The following PDE4B variants were observed in gnomAD, a reference collection of about 807,000 sequenced individuals.
PDE4B encodes the protein phosphodiesterase 4B.
PDE4B carries 20 observed loss-of-function variants against 82.2 expected under a neutral mutation model. The observed-to-expected ratio is 0.24, with a 90% CI of 0.17 to 0.35. The LOEUF is 0.35. Ranked by LOEUF, PDE4B falls within the 10% of genes least tolerant of loss-of-function variation. PDE4B has a pLI of 1.00. For synonymous variants in PDE4B, 320 were observed against 318.9 expected (o/e 1.00, Z -0.04); for missense variants, 655 against 907.2 (o/e 0.72, Z 3.57).
chr1:66,165,343 T>C (rs1646707054), intron 3 of PDE4B, among the ~76,000 whole-genome samples: 1 of 152,194 alleles, frequency 6.6e-6, no homozygotes, highest in Non-Finnish European at 1.5e-5. Context: ...TCATTATTTT[T>C]TCTAAGACTA....
rs117022678 is a variant in PDE4B at position 65,806,630 on chromosome 1, G to T, written c.-71+13382G>T. Among the ~76,000 whole-genome samples the T allele has an allele frequency of 5.5e-4, 83 of 152,250 alleles. No homozygotes were observed. The East Asian group carries it at 8.3e-3, about 15-fold the overall frequency. ...ACTTTATGTACCATCAGTAGAGCTG[G>T]TCCTGAAAAGATGCTTAGCAATTAT... On this transcript the variant is annotated intron_variant, in intron 1 of 16. Coordinates refer to ENST00000341517, the MANE Select transcript of PDE4B (RefSeq NM_002600.4).
intron 1 of PDE4B, among the ~76,000 whole-genome samples, chr1:65,899,978 A>G (rs896805229): frequency 6.6e-5 from 10 of 152,060 alleles, no homozygotes; most frequent in Non-Finnish European, 1.2e-4. Flanking sequence ...AATCACCACT[A>G]AAGAACTTAC....
At chr1:65,942,824 C>T (rs1441959046) in intron 3 of PDE4B, among the ~76,000 whole-genome samples, 1 of 151,798 alleles carries the variant, frequency 6.6e-6, no homozygotes, top group African/African-American at 2.4e-5. Flanking sequence ...TGTGTTTCTT[C>T]TTTTGAGAAA....
chr1:66,298,037 A>C (rs1479441311), intron 7 of PDE4B, among the ~76,000 whole-genome samples: 1 of 152,060 alleles, frequency 6.6e-6, no homozygotes, highest in Non-Finnish European at 1.5e-5. Flanking sequence ...TTCAAAGTGC[A>C]CTCCTTATCA....
chr1:65,968,156 G>T (rs779247289), intron 3 of PDE4B, among the ~76,000 whole-genome samples: 1 of 152,044 alleles, frequency 6.6e-6, no homozygotes, highest in Non-Finnish European at 1.5e-5. Flanking sequence ...GACCAGCTGC[G>T]ATTGAGTTCT....
intron 3 of PDE4B, among the ~76,000 whole-genome samples, chr1:66,010,960 A>C (rs1430875488): frequency 2.0e-5 from 3 of 151,270 alleles, no homozygotes; most frequent in Admixed American, 1.3e-4. Flanking sequence ...GTCATTGAAA[A>C]ATTGTGGAGG....
rs185102735 is a variant in PDE4B, at chr1:65,850,415, T to G, written c.-71+57167T>G. Among the ~76,000 whole-genome samples, 491 of 152,190 alleles carry G rather than the reference T, an allele frequency of 3.2e-3. 3 individuals carry two copies. The highest frequency in any genetic ancestry group is 0.011 in the African/African-American group (455 of 41,550). On this transcript the variant is annotated intron_variant, in intron 1 of 16. Coordinates refer to ENST00000341517, the MANE Select transcript of PDE4B (RefSeq NM_002600.4). ...CCGGCCTGCTCTGTACTTTTTGTAG[T>G]GAATTTGTAGTGCATAGTGTAGAAT...
chr1:65,830,315 G>T lies in PDE4B; in HGVS notation c.-71+37067G>T, dbSNP rs557789753. On this transcript the variant is annotated intron_variant, in intron 1 of 16. Transcript: ENST00000341517. The stretch of plus-strand genomic sequence containing the variant: ...AATATTACATAATCTATGAAATATT[G>T]TCTCCTCTAGGGGGTCAAGCTTAAC... 2.6e-5 allele frequency among the ~76,000 whole-genome samples: 4 copies of T among 152,190 alleles called. No homozygotes were observed. In the South Asian group the frequency reaches 8.3e-4, roughly 32 times the overall value.
intron 1 of PDE4B, among the ~76,000 whole-genome samples, chr1:65,905,668 G>T (rs1647020997): frequency 6.6e-6 from 1 of 152,086 alleles, no homozygotes; most frequent in African/African-American, 2.4e-5. Flanking sequence ...TTCTCTCTTT[G>T]TTTCTTAGTT....
chr1:66,196,404 C>A (rs1188532935), intron 3 of PDE4B, among the ~76,000 whole-genome samples: 1 of 152,188 alleles, frequency 6.6e-6, no homozygotes, highest in Non-Finnish European at 1.5e-5. Context: ...ACAGATGCTG[C>A]CTAGGCACAG....
chr1:65,878,721 G>C (rs897547970), intron 1 of PDE4B, among the ~76,000 whole-genome samples: 10 of 152,004 alleles, frequency 6.6e-5, no homozygotes, highest in East Asian at 1.9e-4. Context: ...TCACACACCA[G>C]AGCCTGTTGG....
intron 1 of PDE4B, among the ~76,000 whole-genome samples, chr1:65,815,790 T>C (rs10889587): frequency 0.74 from 112,996 of 151,954 alleles, 42,874 homozygotes; most frequent in Non-Finnish European, 0.81. Context: ...TCCTACTCTC[T>C]TCAAAGAATA....
chr1:65,901,459 T>C (rs1157481015), intron 1 of PDE4B, among the ~76,000 whole-genome samples: 1 of 152,122 alleles, frequency 6.6e-6, no homozygotes, highest in South Asian at 2.1e-4. Context: ...GTTGGCTTCA[T>C]AGAATGAATT....
At chr1:66,098,510 T>C (rs1436569584) in intron 3 of PDE4B, among the ~76,000 whole-genome samples, 1 of 152,154 alleles carries the variant, frequency 6.6e-6, no homozygotes, top group Non-Finnish European at 1.5e-5. Flanking sequence ...AACTTTGAAA[T>C]AAAATATCAT....
At chr1:66,108,714 C>G (rs1310734430) in intron 3 of PDE4B, among the ~76,000 whole-genome samples, 1 of 151,800 alleles carries the variant, frequency 6.6e-6, no homozygotes, top group Non-Finnish European at 1.5e-5. Flanking sequence ...AAGGCACGTT[C>G]ATTTCAGTAT....
intron 3 of PDE4B, among the ~76,000 whole-genome samples, chr1:66,074,298 A>G (rs1477775869): frequency 6.6e-6 from 1 of 152,160 alleles, no homozygotes; most frequent in African/African-American, 2.4e-5. Flanking sequence ...TTGTCAGGTC[A>G]TGCTTCATTT....
intron 7 of PDE4B, among the ~76,000 whole-genome samples, chr1:66,325,013 A>G (rs1659645174): frequency 6.6e-6 from 1 of 152,056 alleles, no homozygotes. Flanking sequence ...CCAAATAAAT[A>G]GATAAATAGG....
At chr1:66,129,531 G>A (rs1165485740) in intron 3 of PDE4B, among the ~76,000 whole-genome samples, 10 of 150,150 alleles carry the variant, frequency 6.7e-5, no homozygotes, top group Non-Finnish European at 1.3e-4. Flanking sequence ...GTAGTGGCGG[G>A]CGCCTGTAGT....
At chr1:66,103,841 G>A (rs1645278079) in intron 3 of PDE4B, among the ~76,000 whole-genome samples, 3 of 151,856 alleles carry the variant, frequency 2.0e-5, no homozygotes, top group Admixed American at 1.3e-4. Context: ...TTACTTTCTA[G>A]GAAATGGGAA....
Sources: allele counts gnomAD v4.1 joint callset (sites outside exome capture counted in the v4.1 genomes callset), GRCh38; gene constraint gnomAD v4.1.1; transcripts MANE v1.5; gene names NCBI Gene and HGNC (gene_info 2026-07-23, HGNC 2026-07-21).